The following ZSCAN1 variants were observed in gnomAD, a reference collection of about 807,000 sequenced individuals.
ZSCAN1 encodes the protein zinc finger and SCAN domain containing 1.
A neutral mutation model predicts 23.8 loss-of-function variants in ZSCAN1; 23 were observed. That is an observed-to-expected ratio of 0.97 (90% CI 0.70 to 1.37). The LOEUF is 1.37. ZSCAN1 is among the 40% of genes most tolerant of loss of function. The pLI is 0.00. For missense variants in ZSCAN1, 575 were observed against 554.0 expected (o/e 1.04, Z -0.38); for synonymous variants, 236 against 232.3 (o/e 1.02, Z -0.15).
chr19:58,043,307 G>T (rs1173015528), intron 4 of ZSCAN1, among the ~76,000 whole-genome samples: 1 of 152,220 alleles, frequency 6.6e-6, no homozygotes, highest in East Asian at 1.9e-4. Flanking sequence ...ACACCTACAC[G>T]CACAGCCCAT....
intron 3 of ZSCAN1, among the ~76,000 whole-genome samples, chr19:58,038,881 C>T (rs940652392): frequency 5.3e-5 from 8 of 152,234 alleles, no homozygotes; most frequent in Admixed American, 2.6e-4. Flanking sequence ...TGAGAGCAGT[C>T]GTGGCACTGT....
chr19:58,051,859 C>T (rs1047956096), intron 4 of ZSCAN1, among the ~76,000 whole-genome samples: 1 of 152,228 alleles, frequency 6.6e-6, no homozygotes, highest in Non-Finnish European at 1.5e-5. Context: ...GGGCTGGAGC[C>T]TGGACACCAA....
Position 58,047,494 on chromosome 19 carries a change from C to A in ZSCAN1, c.466-4996C>A, listed in dbSNP as rs2073833546. Among the ~76,000 whole-genome samples the A allele has an allele frequency of 1.3e-5, 2 of 152,224 alleles. No homozygotes were observed. The highest frequency in any genetic ancestry group is 4.8e-5 in the African/African-American group (2 of 41,454). The stretch of plus-strand genomic sequence containing the variant: ...CCTGCCCCAAGAGCCATCTCTGACC[C>A]AAGCCACGCAACTCTGACGTAGCCC... On this transcript the variant is annotated intron_variant, in intron 4 of 5. Coordinates refer to ENST00000282326, the MANE Select transcript of ZSCAN1 (RefSeq NM_182572.4). This position sits in a 1 kb window ranked among gnomAD's most constrained non-coding sequence, Gnocchi z 4.9.
chr19:58,037,194 A>G (rs1272917934), intron 2 of ZSCAN1, among the ~76,000 whole-genome samples: 1 of 152,050 alleles, frequency 6.6e-6, no homozygotes, highest in Admixed American at 6.6e-5. Context: ...TTTAAATGGA[A>G]TTTAAATTTA....
intron 2 of ZSCAN1, 105 bp from the exon 3 acceptor site, chr19:58,037,623 T>C: frequency 1.9e-6 from 1 of 529,540 alleles, no homozygotes; most frequent in Non-Finnish European, 3.1e-6. Context: ...GGTTGGTTCC[T>C]TGGGGTGCTG....
intron 2 of ZSCAN1, among the ~76,000 whole-genome samples, chr19:58,037,269 T>C (rs2123418009): frequency 1.3e-5 from 2 of 152,312 alleles, no homozygotes; most frequent in East Asian, 3.9e-4. Context: ...AGAGAATCTT[T>C]ACATCCCTGT....
chr19:58,055,253 C>T (rs565033287), downstream of ZSCAN1, among the ~76,000 whole-genome samples: 1 of 152,290 alleles, frequency 6.6e-6, no homozygotes, highest in South Asian at 2.1e-4. Context: ...ACCAAGCTGC[C>T]CCCACTCTCG....
In ZSCAN1 at chr19:58,042,424, T is replaced by C. The variant is rs184671769; in HGVS notation, c.465+1880T>C. Among the ~76,000 whole-genome samples the C allele has an allele frequency of 4.9e-5, 7 of 142,756 alleles. No homozygotes were observed. The East Asian group carries it at 1.4e-3, about 29-fold the overall frequency. The allele number at this position is 142,756 out of a possible 152,430, so 93.7% of individuals were successfully genotyped here. The stretch of plus-strand genomic sequence containing the variant: ...AGGCGCCCGCCACCTCCCCGGCTAA[T>C]TTTTTTTGTATTTTTAGTAGAGACG... On this transcript the variant is annotated intron_variant, in intron 4 of 5. Coordinates refer to ENST00000282326, the MANE Select transcript of ZSCAN1 (RefSeq NM_182572.4).
rs1052518084 is a variant in ZSCAN1 at position 58,047,412 on chromosome 19, A to C, written c.466-5078A>C. 4.0e-5 allele frequency among the ~76,000 whole-genome samples: 6 copies of C among 151,302 alleles called. No individual in the cohort carries two copies. The highest frequency in any genetic ancestry group is 1.5e-4 in the African/African-American group (6 of 41,140). Reference sequence around the variant, plus strand: ...TATCGGAGCTCTTTCTTAACTTTCTATTTTCCCCCAATTCTTTAAGCAGTC... The same window carrying C: ...TATCGGAGCTCTTTCTTAACTTTCTCTTTTCCCCCAATTCTTTAAGCAGTC... On this transcript the variant is annotated intron_variant, in intron 4 of 5. Coordinates refer to ENST00000282326, the MANE Select transcript of ZSCAN1 (RefSeq NM_182572.4). This position sits in a 1 kb window ranked among gnomAD's most constrained non-coding sequence, Gnocchi z 4.9.
At chr19:58,039,630 G>A (rs1186490156) in intron 3 of ZSCAN1, among the ~76,000 whole-genome samples, 2 of 152,106 alleles carry the variant, frequency 1.3e-5, no homozygotes, top group African/African-American at 4.8e-5. Flanking sequence ...AGCCGGGCGT[G>A]GTGGCGCGTG....
intron 1 of ZSCAN1, among the ~76,000 whole-genome samples, chr19:58,035,718 C>T (rs768254413): frequency 8.6e-4 from 131 of 152,214 alleles, no homozygotes; most frequent in Admixed American, 2.4e-3. Flanking sequence ...TGGCCGGGTA[C>T]GCTGACTCGA....
In ZSCAN1 at chr19:58,045,167, G is replaced by A. The variant is rs544216245; in HGVS notation, c.465+4623G>A. ...TCAACTGCCACACCCTGACCCGCCA[G>A]GCGCGCAGGCAGTTGCTCCGGTTCT... On this transcript the variant is annotated intron_variant, in intron 4 of 5. Transcript: ENST00000282326. This position sits in a 1 kb window ranked among gnomAD's most constrained non-coding sequence, Gnocchi z 4.3. 9.4e-7 allele frequency: 1 copy of A among 1,066,582 alleles called. No homozygotes were observed. The highest frequency in any genetic ancestry group is 1.3e-5 in the South Asian group (1 of 79,492). 66.1% of individuals were successfully genotyped at this position (1,066,582 alleles called of 1,614,324 possible). A position where few individuals can be genotyped will look rare whatever the true frequency, so the allele number is the denominator to read the frequency against.
At chr19:58,038,427 A>G in intron 3 of ZSCAN1, 2 of 637,350 alleles carry the variant, frequency 3.1e-6, no homozygotes, top group Non-Finnish European at 2.7e-6. Context: ...GTGATTAAAG[A>G]TCCCTCCATT....
At chr19:58,046,221 T>G in intron 4 of ZSCAN1, 1 of 770,262 alleles carries the variant, frequency 1.3e-6, no homozygotes, top group Non-Finnish European at 2.4e-6. Flanking sequence ...ATGCCTGCTC[T>G]AAGCTGCAGG....
chr19:58,046,796 C>G, intron 4 of ZSCAN1: 3 of 746,220 alleles, frequency 4.0e-6, no homozygotes, highest in Non-Finnish European at 7.5e-6. Flanking sequence ...ACCTGTCCTC[C>G]TGCTGCACTG....
At position 58,054,142 on chromosome 19, in the gene ZSCAN1, C is replaced by T. The variant is rs1599911201; in HGVS notation, c.*91C>T. On this transcript the variant is annotated 3_prime_UTR_variant, in exon 6 of 6. Transcript: ENST00000282326. The surrounding 1 kb of genome is among the most constrained non-coding windows in gnomAD (Gnocchi z 4.2). ...GATGGGGGACATCCCCCAGCCCCAC[C>T]AACCCCTGGCCACCTTGGGACTCCT... 2.8e-6 allele frequency: 4 copies of T among 1,409,326 alleles called. No homozygotes were observed. The South Asian group carries it at 6.1e-5, about 22-fold the overall frequency. 87.3% of individuals were successfully genotyped at this position (1,409,326 alleles called of 1,614,324 possible).
chr19:58,045,864 C>G lies in ZSCAN1; in HGVS notation c.465+5320C>G. The G allele has an allele frequency of 9.6e-7, 1 of 1,041,932 alleles. No individual in the cohort carries two copies. Among genetic ancestry groups the G allele is most frequent in the East Asian group, 2.4e-5 (1 of 42,336 alleles). 64.5% of individuals were successfully genotyped at this position (1,041,932 alleles called of 1,614,324 possible). ...ACACCCTCTTGCCAGCCGACCAGCTCAAGTCCACACTGCAGACTCTCCCAG... is the reference window on the plus strand; with the variant it reads ...ACACCCTCTTGCCAGCCGACCAGCTGAAGTCCACACTGCAGACTCTCCCAG... On this transcript the variant is annotated intron_variant, in intron 4 of 5. Transcript: ENST00000282326. The surrounding 1 kb of genome is among the most constrained non-coding windows in gnomAD (Gnocchi z 4.3).
downstream of ZSCAN1, among the ~76,000 whole-genome samples, chr19:58,055,771 G>A (rs2073886473): frequency 6.6e-6 from 1 of 152,158 alleles, no homozygotes; most frequent in Admixed American, 6.5e-5. Flanking sequence ...CAGTTTGTTG[G>A]TGCCAGAGTT....
Position 58,045,032 on chromosome 19 carries a change from T to A in ZSCAN1, c.465+4488T>A. On this transcript the variant is annotated intron_variant, in intron 4 of 5. Coordinates refer to ENST00000282326, the MANE Select transcript of ZSCAN1 (RefSeq NM_182572.4). The surrounding 1 kb of genome is among the most constrained non-coding windows in gnomAD (Gnocchi z 4.3). ...TACAGCGCCCCCGCAGAGATGGTGG[T>A]GAAGTCCCGGGGGCAGAGAGGGTGC... 1 of 1,122,336 alleles carries A rather than the reference T, an allele frequency of 8.9e-7. No homozygotes were observed. Among genetic ancestry groups the A allele is most frequent in the Non-Finnish European group, 1.4e-6 (1 of 737,542 alleles). 69.5% of individuals were successfully genotyped at this position (1,122,336 alleles called of 1,614,324 possible). A position where few individuals can be genotyped will look rare whatever the true frequency, so the allele number is the denominator to read the frequency against.
Sources: allele counts gnomAD v4.1 joint callset (sites outside exome capture counted in the v4.1 genomes callset), GRCh38; gene constraint gnomAD v4.1.1; non-coding constraint Gnocchi (gnomAD v3.1); transcripts MANE v1.5; gene names NCBI Gene and HGNC (gene_info 2026-07-23, HGNC 2026-07-21).